PTK2B: variants seen among roughly 807,000 people sequenced by gnomAD.
PTK2B encodes protein-tyrosine kinase 2-beta.
A neutral mutation model predicts 142.9 loss-of-function variants in PTK2B; 71 were observed. That is an observed-to-expected ratio of 0.50 (90% CI 0.41 to 0.61). The LOEUF is 0.61. Among genes scored for constraint, PTK2B ranks in the 20% least tolerant of loss-of-function variants. The probability of loss-of-function intolerance (pLI) is 0.00; values close to 1 mark genes in which losing one functional copy is unlikely to be tolerated. For synonymous variants in PTK2B, 519 were observed against 503.4 expected, an observed-to-expected ratio of 1.03 and a Z score of -0.42; for missense variants, 1,105 against 1,320.4, an observed-to-expected ratio of 0.84 and a Z score of 2.53.
At chr8:27,450,153 G>A (rs183617828) in intron 24 of PTK2B, among the ~76,000 whole-genome samples, 84 of 152,232 alleles carry the variant, frequency 5.5e-4, no homozygotes, top group Non-Finnish European at 9.9e-4. Context: ...ATGGTTGGTG[G>A]GTGCATGCTG....
chr8:27,438,733 G>C (rs2132196992), intron 18 of PTK2B, among the ~76,000 whole-genome samples: 1 of 152,318 alleles, frequency 6.6e-6, no homozygotes, highest in African/African-American at 2.4e-5. Context: ...CAGGCTTCAA[G>C]CTGGAGATGG....
chr8:27,360,726 G>A (rs1420466137), intron 1 of PTK2B, among the ~76,000 whole-genome samples: 2 of 152,162 alleles, frequency 1.3e-5, no homozygotes, highest in African/African-American at 4.8e-5. Flanking sequence ...TTTCAAAAAA[G>A]GATGTGAAAG....
At chr8:27,420,112 A>C in intron 3 of PTK2B, 39 bp downstream of exon 3, 8 of 1,608,878 alleles carry the variant, frequency 5.0e-6, no homozygotes, top group Non-Finnish European at 6.8e-6. Context: ...TGGGAAGGAG[A>C]GGAATTTAGG....
Position 27,363,937 on chromosome 8 carries a change from G to T in PTK2B, c.-37-33611G>T, listed in dbSNP as rs545904728. Among the ~76,000 whole-genome samples the T allele has an allele frequency of 6.6e-6, 1 of 152,276 alleles. No individual in the cohort carries two copies. The highest frequency in any genetic ancestry group is 1.9e-4 in the East Asian group (1 of 5,172). Reference sequence around the variant, plus strand: ...AGGGCTAAGATTAGACTAGGGCCCGGCCGCCTGTCTTGACACATGCGCACA... The same window carrying T: ...AGGGCTAAGATTAGACTAGGGCCCGTCCGCCTGTCTTGACACATGCGCACA... On this transcript the variant is annotated intron_variant, in intron 1 of 30. Coordinates refer to ENST00000346049, the MANE Select transcript of PTK2B (RefSeq NM_173176.3). This position sits in a 1 kb window ranked among gnomAD's most constrained non-coding sequence, Gnocchi z 4.3.
chr8:27,391,674 A>G (rs569416012), intron 1 of PTK2B, among the ~76,000 whole-genome samples: 3 of 152,354 alleles, frequency 2.0e-5, no homozygotes, highest in South Asian at 2.1e-4. Flanking sequence ...CCCCTCCTGC[A>G]GGCAGGTCAA....
chr8:27,397,837 TTC>T, intron 2 of PTK2B, 49 bp downstream of exon 2: 1 of 1,598,874 alleles, frequency 6.3e-7, no homozygotes, highest in South Asian at 1.1e-5. Context: ...CTCTGTCTTC[TTC>T]CTGGGCAGCT....
Position 27,397,572 on chromosome 8 carries a change from G to T in PTK2B, c.-13G>T. 6.2e-7 allele frequency: 1 copy of T among 1,612,828 alleles called. No homozygotes were observed. The highest frequency in any genetic ancestry group is 8.5e-7 in the Non-Finnish European group (1 of 1,179,772). ...GGACTGCAATGTGCCGATCTTAGCTGCTGCCTGAGAGGATGTCTGGGGTGT... is the reference window on the plus strand; with the variant it reads ...GGACTGCAATGTGCCGATCTTAGCTTCTGCCTGAGAGGATGTCTGGGGTGT... On this transcript the variant is annotated 5_prime_UTR_variant, in exon 2 of 31. Coordinates refer to ENST00000346049, the MANE Select transcript of PTK2B (RefSeq NM_173176.3).
At chr8:27,432,538 A>G (rs1375458689) in intron 10 of PTK2B, among the ~76,000 whole-genome samples, 177 bp downstream of exon 10, 1 of 152,208 alleles carries the variant, frequency 6.6e-6, no homozygotes, top group Non-Finnish European at 1.5e-5. Context: ...CAGGATGATG[A>G]TAAATTGTAG....
At chr8:27,331,601 C>T (rs1054155931) in intron 1 of PTK2B, among the ~76,000 whole-genome samples, 1 of 152,128 alleles carries the variant, frequency 6.6e-6, no homozygotes, top group African/African-American at 2.4e-5. Flanking sequence ...ATTCTCCTGC[C>T]TCAGCTTCCC....
At chr8:27,421,064 C>A (rs977435297) in intron 4 of PTK2B, among the ~76,000 whole-genome samples, 1 of 152,188 alleles carries the variant, frequency 6.6e-6, no homozygotes, top group Non-Finnish European at 1.5e-5. Context: ...CACAGCTCTG[C>A]AGACTGTTGT....
At chr8:27,341,814 C>T (rs916061568) in intron 1 of PTK2B, among the ~76,000 whole-genome samples, 1 of 152,088 alleles carries the variant, frequency 6.6e-6, no homozygotes, top group Non-Finnish European at 1.5e-5. Flanking sequence ...GCTGGGACTA[C>T]AGGCACCCAC....
intron 26 of PTK2B, 90 bp from the exon 27 acceptor site, chr8:27,451,395 G>A: frequency 1.3e-6 from 2 of 1,583,330 alleles, no homozygotes; most frequent in South Asian, 1.1e-5. Context: ...TAAACACACA[G>A]TGGAGGGACT....
intron 3 of PTK2B, among the ~76,000 whole-genome samples, chr8:27,317,072 A>G (rs1390214422): frequency 2.0e-5 from 3 of 152,298 alleles, no homozygotes; most frequent in African/African-American, 7.2e-5. Context: ...TTGGAAAATG[A>G]CTGCAGCAAC....
At chr8:27,380,187 C>T (rs1375583415) in intron 1 of PTK2B, among the ~76,000 whole-genome samples, 1 of 152,200 alleles carries the variant, frequency 6.6e-6, no homozygotes, top group Non-Finnish European at 1.5e-5. Context: ...TCACGTCTTT[C>T]TCTGCCCAGC....
rs570157557 is a variant in PTK2B, at chr8:27,397,599, C to T, written c.15C>T (p.Ser5=). The change falls in exon 2 of 31, where the codon TCC becomes TCT. Residue 5 remains serine, a synonymous_variant. Coordinates refer to ENST00000346049, the MANE Select transcript of PTK2B (RefSeq NM_173176.3). ...TGCCTGAGAGGATGTCTGGGGTGTC[C>T]GAGCCCCTGAGTCGAGTAAAGTTGG... The part of the protein sequence containing the change: MSGV[S]EPLSRVKLGT... 22 of 1,613,660 alleles carry T rather than the reference C, an allele frequency of 1.4e-5. No homozygotes were observed. Among genetic ancestry groups the T allele is most frequent in the Non-Finnish European group, 1.6e-5 (19 of 1,180,022 alleles).
intron 3 of PTK2B, among the ~76,000 whole-genome samples, chr8:27,313,916 C>G (rs753249751): frequency 6.6e-6 from 1 of 152,222 alleles, no homozygotes; most frequent in Non-Finnish European, 1.5e-5. Flanking sequence ...CTCTCTCCCT[C>G]TCTCTGGCCC....
chr8:27,421,177 A>G lies in PTK2B; in HGVS notation c.471+433A>G, dbSNP rs548622755. 3.9e-5 allele frequency among the ~76,000 whole-genome samples: 6 copies of G among 152,342 alleles called. No homozygotes were observed. In the East Asian group the frequency reaches 1.2e-3, roughly 29 times the overall value. On this transcript the variant is annotated intron_variant, in intron 4 of 30. Coordinates refer to ENST00000346049, the MANE Select transcript of PTK2B (RefSeq NM_173176.3). ...CTGTAAAATTATTATGGGAATCATAATAATAATACCTACTTTATAGGGTTG... is the reference window on the plus strand; with the variant it reads ...CTGTAAAATTATTATGGGAATCATAGTAATAATACCTACTTTATAGGGTTG...
intron 1 of PTK2B, chr8:27,396,443 G>T (rs1243147079): frequency 6.6e-6 from 1 of 152,182 alleles, no homozygotes; most frequent in African/African-American, 2.4e-5. Flanking sequence ...GGGGTTTCAG[G>T]ATAAGAGCTA....
intron 2 of PTK2B, among the ~76,000 whole-genome samples, chr8:27,413,753 T>C (rs1350964069): frequency 2.0e-5 from 3 of 152,214 alleles, no homozygotes. Context: ...ACCATGTCAA[T>C]ATCCTATTCA....
Sources: allele counts gnomAD v4.1 joint callset (sites outside exome capture counted in the v4.1 genomes callset), GRCh38; gene constraint gnomAD v4.1.1; non-coding constraint Gnocchi (gnomAD v3.1); transcripts MANE v1.5; gene names NCBI Gene and HGNC (gene_info 2026-07-23, HGNC 2026-07-21).